The following ABCA13 variants were observed in gnomAD, a reference collection of about 807,000 sequenced individuals.
The protein encoded by ABCA13 is ATP binding cassette subfamily A member 13.
Under a neutral mutation model 478.7 loss-of-function variants are expected in ABCA13, and 476 were observed. That is an observed-to-expected ratio of 0.99 (90% CI 0.92 to 1.07). ABCA13 has a LOEUF of 1.07. Among genes scored for constraint, ABCA13 ranks in the 50% least tolerant of loss-of-function variants. The probability of loss-of-function intolerance (pLI) is 0.00; values close to 1 mark genes in which losing one functional copy is unlikely to be tolerated. For synonymous variants in ABCA13, 2,252 were observed against 2,158.9 expected (o/e 1.04, Z -1.20); for missense variants, 6,060 against 5,910.6 (o/e 1.03, Z -0.83).
rs748787281 is a variant in ABCA13 at position 48,275,800 on chromosome 7, T to G, written c.6134T>G (p.Phe2045Cys). 5.0e-6 allele frequency: 8 copies of G among 1,612,356 alleles called. 1 individual carries two copies. Among genetic ancestry groups the G allele is most frequent in the Middle Eastern group, 3.3e-4 (2 of 6,078 alleles). The change falls in exon 17 of 62, where the codon TTT (phenylalanine) becomes TGT (cysteine). Residue 2045 changes from phenylalanine to cysteine, a missense_variant. Phe to Cys is a radical substitution (Grantham distance 205). Coordinates refer to ENST00000435803, the MANE Select transcript of ABCA13 (RefSeq NM_152701.5). ...AGCAGTTTAGAAGCATTATCAAGTT[T>G]TATTGAAAAAAGTGAAACACCTTAC... Reference protein sequence around the residue: ...TGSSLEALSSFIEKSETPYNF... With the variant: ...TGSSLEALSSCIEKSETPYNF...
At chr7:48,623,349 G>A (rs1793338821) in intron 59 of ABCA13, among the ~76,000 whole-genome samples, 1 of 152,014 alleles carries the variant, frequency 6.6e-6, no homozygotes, top group Non-Finnish European at 1.5e-5. Context: ...TTGTATCTAT[G>A]TCTGAGAAAG....
intron 23 of ABCA13, among the ~76,000 whole-genome samples, chr7:48,308,828 T>C (rs1316296544): frequency 6.6e-6 from 1 of 151,052 alleles, no homozygotes; most frequent in African/African-American, 2.4e-5. Context: ...TACCACTGTG[T>C]GACAACTGCC....
chr7:48,534,080 T>C (rs1399881978), intron 55 of ABCA13, among the ~76,000 whole-genome samples: 3 of 152,228 alleles, frequency 2.0e-5, no homozygotes, highest in Non-Finnish European at 4.4e-5. Context: ...GTGAGATTTA[T>C]GCTTTAAAGA....
rs772829022 is a variant in ABCA13, at chr7:48,274,558, G to T, written c.4892G>T (p.Gly1631Val). The T allele has an allele frequency of 6.2e-7, 1 of 1,613,826 alleles. No homozygotes were observed. The highest frequency in any genetic ancestry group is 1.7e-5 in the Admixed American group (1 of 60,010). ...GAAATAATGAAAGCTACAGGTCTTG[G>T]TATTCAACTGATAAGGGATGTGTTC... ...SPEIMKATGLGIQLIRDVFNS... is the reference protein window; with the variant it reads ...SPEIMKATGLVIQLIRDVFNS... The change falls in exon 17 of 62, where the codon GGT becomes GTT. Residue 1631 changes from glycine (G) to valine (V), a missense_variant. Transcript: ENST00000435803.
At chr7:48,462,449 C>CCA (rs1554523654) in intron 43 of ABCA13, among the ~76,000 whole-genome samples, 1 of 151,900 alleles carries the variant, frequency 6.6e-6, no homozygotes, top group Non-Finnish European at 1.5e-5. Flanking sequence ...GGATTCCCCC[C>CCA]CCCCTACTGT....
At chr7:48,581,307 C>A (rs1488708034) in intron 56 of ABCA13, among the ~76,000 whole-genome samples, 1 of 152,168 alleles carries the variant, frequency 6.6e-6, no homozygotes, top group Non-Finnish European at 1.5e-5. Context: ...AATGCTTCAG[C>A]ATTTGTTTCT....
At chr7:48,633,662 A>T (rs961665614) in intron 59 of ABCA13, among the ~76,000 whole-genome samples, 3 of 151,342 alleles carry the variant, frequency 2.0e-5, no homozygotes, top group Non-Finnish European at 4.4e-5. Flanking sequence ...GGATCTCTTG[A>T]GGCAAGGAGT....
At chr7:48,636,124 C>T (rs1361799276) in intron 59 of ABCA13, among the ~76,000 whole-genome samples, 1 of 151,978 alleles carries the variant, frequency 6.6e-6, no homozygotes, top group South Asian at 2.1e-4. Context: ...TTTTTACAGC[C>T]CCTGCTTTCT....
chr7:48,587,005 A>AG, intron 56 of ABCA13, 149 bp from the exon 57 acceptor site: 1 of 1,032,064 alleles, frequency 9.7e-7, no homozygotes, highest in Non-Finnish European at 1.4e-6. Flanking sequence ...TGTATGGTAA[A>AG]GGGGGATGTT....
chr7:48,295,678 A>G, intron 20 of ABCA13, 22 bp from the exon 21 acceptor site: 2 of 1,613,566 alleles, frequency 1.2e-6, no homozygotes, highest in East Asian at 2.2e-5. Context: ...CTTCTAACCT[A>G]TATCATTGCT....
intron 35 of ABCA13, among the ~76,000 whole-genome samples, chr7:48,381,324 C>T (rs527313209): frequency 2.6e-5 from 4 of 152,108 alleles, no homozygotes; most frequent in African/African-American, 9.6e-5. Context: ...AGGCAGGAGG[C>T]AGGTGAGAAA....
chr7:48,585,052 T>G (rs773531300), intron 56 of ABCA13, among the ~76,000 whole-genome samples: 3 of 152,208 alleles, frequency 2.0e-5, no homozygotes, highest in Non-Finnish European at 4.4e-5. Context: ...TTACACTTCT[T>G]GGCCATTCTT....
chr7:48,494,341 G>A (rs1411271156), intron 48 of ABCA13, among the ~76,000 whole-genome samples: 2 of 152,204 alleles, frequency 1.3e-5, no homozygotes, highest in Non-Finnish European at 2.9e-5. Flanking sequence ...TCTCTGATCT[G>A]TAATAGAGCT....
At chr7:48,427,430 T>C (rs1443802538) in intron 41 of ABCA13, among the ~76,000 whole-genome samples, 1 of 152,206 alleles carries the variant, frequency 6.6e-6, no homozygotes, top group Non-Finnish European at 1.5e-5. Flanking sequence ...GCTGGTACAG[T>C]GAGTCACAAA....
At chr7:48,190,537 A>G (rs1234858984) in intron 1 of ABCA13, among the ~76,000 whole-genome samples, 1 of 152,178 alleles carries the variant, frequency 6.6e-6, no homozygotes, top group African/African-American at 2.4e-5. Flanking sequence ...AAAAATTTAG[A>G]AACACTCCTA....
chr7:48,248,144 C>T, intron 13 of ABCA13, 95 bp from the exon 14 acceptor site: 1 of 981,626 alleles, frequency 1.0e-6, no homozygotes, highest in South Asian at 1.8e-5. Context: ...TTGAGTGGAC[C>T]CCTTGTTTAG....
intron 1 of ABCA13, among the ~76,000 whole-genome samples, chr7:48,186,828 C>G (rs1796411513): frequency 6.6e-6 from 1 of 152,028 alleles, no homozygotes; most frequent in East Asian, 1.9e-4. Context: ...CCTGTCGTTT[C>G]TAGTCAGCAT....
chr7:48,204,173 T>C (rs1280764553), intron 3 of ABCA13, among the ~76,000 whole-genome samples: 1 of 150,930 alleles, frequency 6.6e-6, no homozygotes, highest in Non-Finnish European at 1.5e-5. Context: ...AGTGATATGA[T>C]GAGATCTCGG....
chr7:48,400,576 TA>T (rs895528788), intron 38 of ABCA13, among the ~76,000 whole-genome samples: 9 of 152,120 alleles, frequency 5.9e-5, no homozygotes, highest in African/African-American at 1.7e-4. Context: ...ACTTTAAAAT[TA>T]AAAAAAATTC....
Sources: gnomAD v4.1 joint callset for allele counts (sites outside exome capture counted in the v4.1 genomes callset) on GRCh38, gnomAD v4.1.1 for gene constraint, MANE v1.5 for transcripts, NCBI Gene and HGNC (gene_info 2026-07-23, HGNC 2026-07-21) for gene names.